Variants in GLIS3 observed in about 807,000 individuals in gnomAD.
GLIS3 encodes the protein GLIS family zinc finger 3, also known as zinc finger protein GLIS3.
A neutral mutation model predicts 78.6 loss-of-function variants in GLIS3; 53 were observed. The ratio of observed to expected loss-of-function variants is 0.67; its 90% CI spans 0.54 to 0.85. The LOEUF (loss-of-function observed/expected upper bound fraction) is 0.85. Among genes scored for constraint, GLIS3 ranks in the 40% least tolerant of loss-of-function variants. The pLI is 0.00. For synonymous variants in GLIS3, 684 were observed against 509.9 expected (o/e 1.34, Z -4.60); for missense variants, 1,703 against 1,231.1 (o/e 1.38, Z -5.74).
intron 4 of GLIS3, among the ~76,000 whole-genome samples, chr9:4,100,457 C>T (rs920620274): frequency 6.6e-6 from 1 of 152,224 alleles, no homozygotes; most frequent in Non-Finnish European, 1.5e-5. Context: ...AAAAAGCTCA[C>T]TTCCGATACA....
intron 2 of GLIS3, among the ~76,000 whole-genome samples, chr9:4,153,183 T>C (rs62524070): frequency 0.26 from 39,441 of 152,182 alleles, 6,921 homozygotes; most frequent in African/African-American, 0.5. Context: ...TAATGCAAAG[T>C]CCTAATGGGC....
chr9:4,004,957 T>C (rs1379078648), intron 4 of GLIS3, among the ~76,000 whole-genome samples: 3 of 152,214 alleles, frequency 2.0e-5, no homozygotes, highest in Non-Finnish European at 2.9e-5. Flanking sequence ...CAATGAAGCA[T>C]AGCGAAGCCA....
intron 2 of GLIS3, among the ~76,000 whole-genome samples, chr9:4,217,353 T>A (rs1004924703): frequency 2.0e-5 from 3 of 152,234 alleles, no homozygotes; most frequent in African/African-American, 7.2e-5. Flanking sequence ...AAAACTTGTT[T>A]AGTCTTCATC....
At chr9:4,222,184 A>G (rs1347726134) in intron 2 of GLIS3, among the ~76,000 whole-genome samples, 1 of 152,188 alleles carries the variant, frequency 6.6e-6, no homozygotes, top group African/African-American at 2.4e-5. Flanking sequence ...TGTAAGCTCT[A>G]AGTGCTGTAC....
At chr9:4,408,723 T>G in the GLIS3 span, among the ~76,000 whole-genome samples, 1 of 101,226 alleles carries the variant, frequency 9.9e-6, no homozygotes. Context: ...CCAGACTCTG[T>G]CTCAAAAAAA....
intron 4 of GLIS3, among the ~76,000 whole-genome samples, chr9:4,097,788 G>C (rs1167252952): frequency 1.3e-5 from 2 of 152,040 alleles, no homozygotes; most frequent in Non-Finnish European, 2.9e-5. Flanking sequence ...CATATCCTAA[G>C]AACCCCAAAG....
intron 4 of GLIS3, among the ~76,000 whole-genome samples, chr9:4,011,509 C>A (rs1338305759): frequency 6.6e-6 from 1 of 152,128 alleles, no homozygotes; most frequent in East Asian, 1.9e-4. Context: ...GTGCACGGTA[C>A]CCTCATTGAT....
the GLIS3 span, among the ~76,000 whole-genome samples, chr9:4,463,455 C>T: frequency 6.6e-6 from 1 of 152,172 alleles, no homozygotes; most frequent in Non-Finnish European, 1.5e-5. Context: ...CCCCCAGGCC[C>T]TGAAAATATG....
chr9:3,992,806 T>C lies in GLIS3; in HGVS notation c.1711-55617A>G, dbSNP rs77270449. On this transcript the variant is annotated intron_variant, in intron 4 of 10. Coordinates refer to ENST00000381971, the MANE Select transcript of GLIS3 (RefSeq NM_001042413.2). ...AAACAAAAGATCAGACAGTGTGACA[T>C]CTAATAATCTCTACCATGACCAATT... Among the ~76,000 whole-genome samples, 1,497 of 152,284 alleles carry C rather than the reference T, an allele frequency of 9.8e-3. 32 individuals are homozygous for C. Among genetic ancestry groups the C allele is most frequent in the African/African-American group, 0.034 (1,407 of 41,552 alleles).
At chr9:4,479,624 G>C in the GLIS3 span, among the ~76,000 whole-genome samples, 4 of 152,088 alleles carry the variant, frequency 2.6e-5, no homozygotes, top group East Asian at 7.7e-4. Flanking sequence ...CAGTTACCAA[G>C]GGTGGTTAGG....
intron 9 of GLIS3, among the ~76,000 whole-genome samples, chr9:3,846,440 A>G (rs1819048149): frequency 6.6e-6 from 1 of 152,212 alleles, no homozygotes; most frequent in South Asian, 2.1e-4. Flanking sequence ...TACACAGTAG[A>G]AAAATAACAA....
upstream of GLIS3, among the ~76,000 whole-genome samples, chr9:4,300,654 C>G (rs34777941): frequency 0.21 from 31,175 of 151,712 alleles, 3,339 homozygotes; most frequent in African/African-American, 0.24. Context: ...GCGTATGTTA[C>G]GTCTATAAAG....
intron 9 of GLIS3, among the ~76,000 whole-genome samples, chr9:3,854,543 C>CCT: frequency 6.9e-6 from 1 of 145,658 alleles, no homozygotes; most frequent in Non-Finnish European, 1.5e-5. Context: ...CGTTGATGTT[C>CCT]TTTTTTTTTT....
chr9:3,923,330 T>C (rs899431140), intron 6 of GLIS3, among the ~76,000 whole-genome samples: 17 of 152,188 alleles, frequency 1.1e-4, no homozygotes, highest in African/African-American at 3.9e-4. Flanking sequence ...CCTATCTCAA[T>C]AGCCAATAAA....
the GLIS3 span, among the ~76,000 whole-genome samples, chr9:4,380,672 G>A: frequency 6.6e-6 from 1 of 152,314 alleles, no homozygotes; most frequent in East Asian, 1.9e-4. Context: ...GAGGCAAGTA[G>A]TTCTTTGAGA....
At chr9:4,106,358 C>T (rs1830751157) in intron 4 of GLIS3, among the ~76,000 whole-genome samples, 1 of 152,166 alleles carries the variant, frequency 6.6e-6, no homozygotes, top group Non-Finnish European at 1.5e-5. Flanking sequence ...TGCCTAGCTT[C>T]ATTTTCCTAA....
chr9:4,004,318 T>G (rs1821365771), intron 4 of GLIS3, among the ~76,000 whole-genome samples: 1 of 152,164 alleles, frequency 6.6e-6, no homozygotes, highest in African/African-American at 2.4e-5. Context: ...AGAAGGACCG[T>G]TCTCAGTAAA....
At chr9:4,417,794 T>C in the GLIS3 span, among the ~76,000 whole-genome samples, 14 of 152,344 alleles carry the variant, frequency 9.2e-5, no homozygotes, top group East Asian at 2.3e-3. Flanking sequence ...TCTTTGCCTA[T>C]CTGATAACAA....
intron 2 of GLIS3, among the ~76,000 whole-genome samples, chr9:4,278,548 T>C (rs1827232178): frequency 6.6e-6 from 1 of 152,056 alleles, no homozygotes; most frequent in Non-Finnish European, 1.5e-5. Context: ...TTAAAAAAAA[T>C]CCATGAGTGA....
Sources: allele counts gnomAD v4.1 joint callset (sites outside exome capture counted in the v4.1 genomes callset), GRCh38; gene constraint gnomAD v4.1.1; transcripts MANE v1.5; gene names NCBI Gene and HGNC (gene_info 2026-07-23, HGNC 2026-07-21).